FAM120A: variants seen among roughly 807,000 people sequenced by gnomAD.
FAM120A encodes family with sequence similarity 120 member A.
In FAM120A, 15 loss-of-function variants were observed where a neutral mutation model predicts 109.7. The ratio of observed to expected loss-of-function variants is 0.14; its 90% confidence interval spans 0.09 to 0.21. The LOEUF is 0.21. FAM120A is among the 10% of genes least tolerant of loss of function. The pLI is 1.00. For missense variants in FAM120A, 899 were observed against 1,439.3 expected, an observed-to-expected ratio of 0.62 and a Z score of 6.07; for synonymous variants, 493 against 572.8, an observed-to-expected ratio of 0.86 and a Z score of 1.99.
At chr9:93,523,995 G>A (rs1860958972) in intron 7 of FAM120A, among the ~76,000 whole-genome samples, 1 of 152,210 alleles carries the variant, frequency 6.6e-6, no homozygotes, top group Non-Finnish European at 1.5e-5. Flanking sequence ...AGAACTCTGA[G>A]CATCTGTCCA....
chr9:93,492,969 G>A (rs535567598), intron 3 of FAM120A, among the ~76,000 whole-genome samples: 1 of 152,266 alleles, frequency 6.6e-6, no homozygotes, highest in East Asian at 1.9e-4. Flanking sequence ...CCATCGTCAT[G>A]GGCTGCACAT....
intron 3 of FAM120A, among the ~76,000 whole-genome samples, chr9:93,479,555 A>G (rs1238190649): frequency 1.3e-5 from 2 of 152,000 alleles, no homozygotes; most frequent in Non-Finnish European, 2.9e-5. Context: ...TTTCCAGTAT[A>G]CTCTGTTAGA....
In FAM120A at chr9:93,532,211, G is replaced by A. The variant is rs760883243; in HGVS notation, c.1791G>A (p.Pro597=). The change falls in exon 10 of 18, where the codon CCG becomes CCA. Residue 597 remains proline (P), a synonymous_variant. Coordinates refer to ENST00000277165, the MANE Select transcript of FAM120A (RefSeq NM_014612.5). The surrounding 1 kb of genome is among the most constrained non-coding windows in gnomAD (Gnocchi z 4.3). ...ATGAAGCCAACAAGGACCTGCCTCC[G>A]GCCGCTCTGCTCTATAGGCCAGTTC... ...IEDEANKDLP[P]AALLYRPVRQ... The A allele has an allele frequency of 3.1e-5, 50 of 1,614,190 alleles. No individual in the cohort carries two copies. Among genetic ancestry groups the A allele is most frequent in the Non-Finnish European group, 4.1e-5 (48 of 1,180,024 alleles).
chr9:93,474,099 A>C (rs1644711612), intron 2 of FAM120A, among the ~76,000 whole-genome samples: 1 of 152,096 alleles, frequency 6.6e-6, no homozygotes, highest in African/African-American at 2.4e-5. Context: ...AATCAATTGC[A>C]ATATGTTGTC....
chr9:93,516,531 AT>A (rs1256218035), intron 7 of FAM120A, among the ~76,000 whole-genome samples: 10 of 152,160 alleles, frequency 6.6e-5, no homozygotes, highest in African/African-American at 2.4e-4. Flanking sequence ...CTGGGGAGGA[AT>A]TTGACAAGAA....
chr9:93,520,835 A>G (rs1207624724), intron 7 of FAM120A, among the ~76,000 whole-genome samples: 1 of 152,266 alleles, frequency 6.6e-6, no homozygotes, highest in Non-Finnish European at 1.5e-5. Context: ...GCAGATCAGG[A>G]AATGCTCTCA....
Position 93,529,600 on chromosome 9 carries a change from G to A in FAM120A, c.1734+20G>A. On this transcript the variant is annotated intron_variant, in intron 9 of 17. Coordinates refer to ENST00000277165, the MANE Select transcript of FAM120A (RefSeq NM_014612.5). ...ACGAAGGTATTATCAAAGGGGCCCT[G>A]GAGTGGCTTCTGTTATTTGATGAGT... 6.2e-7 allele frequency: 1 copy of A among 1,609,502 alleles called. No homozygotes were observed. The highest frequency in any genetic ancestry group is 8.5e-7 in the Non-Finnish European group (1 of 1,175,898).
chr9:93,499,042 G>T (rs1301747857), intron 5 of FAM120A, among the ~76,000 whole-genome samples, 156 bp downstream of exon 5: 2 of 152,160 alleles, frequency 1.3e-5, no homozygotes, highest in East Asian at 3.8e-4. Context: ...AGACTCAGTA[G>T]CAATCCCTGA....
intron 11 of FAM120A, among the ~76,000 whole-genome samples, chr9:93,550,304 G>T (rs1238881101): frequency 1.3e-5 from 2 of 152,286 alleles, no homozygotes; most frequent in Non-Finnish European, 2.9e-5. Flanking sequence ...CAAGAGTGAG[G>T]TTGTATCAAA....
intron 11 of FAM120A, among the ~76,000 whole-genome samples, chr9:93,549,494 G>A (rs1173090926): frequency 2.0e-5 from 3 of 152,182 alleles, no homozygotes; most frequent in African/African-American, 7.2e-5. Context: ...GAGCTGTCTA[G>A]AACCTCCCTT....
chr9:93,459,813 A>G (rs946281775), intron 1 of FAM120A, among the ~76,000 whole-genome samples: 4 of 152,220 alleles, frequency 2.6e-5, no homozygotes, highest in African/African-American at 7.2e-5. Flanking sequence ...CAAACATTCT[A>G]CAGTGCACAG....
At chr9:93,521,398 C>T (rs1303544646) in intron 7 of FAM120A, among the ~76,000 whole-genome samples, 8 of 152,056 alleles carry the variant, frequency 5.3e-5, no homozygotes, top group Middle Eastern at 3.2e-3. Flanking sequence ...AGGGGGATTG[C>T]GTGAAGCCAG....
chr9:93,467,792 T>A (rs1858115441), intron 1 of FAM120A, among the ~76,000 whole-genome samples: 1 of 152,214 alleles, frequency 6.6e-6, no homozygotes, highest in Non-Finnish European at 1.5e-5. Flanking sequence ...AGTCAAGTGT[T>A]CTCAGTGAAT....
intron 3 of FAM120A, among the ~76,000 whole-genome samples, chr9:93,494,607 C>T (rs1407275819): frequency 6.6e-6 from 1 of 152,216 alleles, no homozygotes; most frequent in East Asian, 1.9e-4. Context: ...GGCAGCTCTG[C>T]AGGTTGCCAG....
At chr9:93,543,101 A>T in intron 10 of FAM120A, 121 bp from the exon 11 acceptor site, 1 of 1,220,362 alleles carries the variant, frequency 8.2e-7, no homozygotes, top group Non-Finnish European at 1.1e-6. Context: ...CTAAGGAGAG[A>T]ATGCATTGTT....
rs1858306023 is a variant in FAM120A, at chr9:93,471,322, T to C, written c.656T>C (p.Met219Thr). 1 of 1,614,118 alleles carries C rather than the reference T, an allele frequency of 6.2e-7. No individual in the cohort carries two copies. The highest frequency in any genetic ancestry group is 1.3e-5 in the African/African-American group (1 of 74,936). ...AGTCTCACCACAAGCCAATATCTGA[T>C]GCATGAAGTTGCCAAGCAACTGGAC... ...GKSLTTSQYL[M>T]HEVAKQLDLN... is the part of the protein sequence containing the mutation. Residue 219 changes from methionine to threonine, a missense_variant, in exon 2 of 18, where the codon ATG becomes ACG. Around this residue, in one of 11 missense-constraint regions of FAM120A, gnomAD observed 258 missense variants for 451.4 expected, o/e 0.57. Transcript: ENST00000277165.
At chr9:93,563,918 GA>G (rs1715800387) in intron 17 of FAM120A, among the ~76,000 whole-genome samples, 1 of 152,210 alleles carries the variant, frequency 6.6e-6, no homozygotes, top group Admixed American at 6.5e-5. Context: ...AGGACTTATT[GA>G]GGGGCATTTG....
intron 7 of FAM120A, 68 bp from the exon 8 acceptor site, chr9:93,527,087 C>T: frequency 8.0e-7 from 1 of 1,255,946 alleles, no homozygotes; most frequent in Admixed American, 1.7e-5. Flanking sequence ...TTAGCTGAGG[C>T]CCTTCTTATC....
At chr9:93,465,818 C>T (rs572907500) in intron 1 of FAM120A, among the ~76,000 whole-genome samples, 6 of 152,300 alleles carry the variant, frequency 3.9e-5, no homozygotes, top group Admixed American at 2.0e-4. Context: ...GTCAGGACCT[C>T]TAGTGTCCTC....
Sources: gnomAD v4.1 joint callset for allele counts (sites outside exome capture counted in the v4.1 genomes callset) on GRCh38, gnomAD v4.1.1 for gene constraint, gnomAD v4.1.1 regional missense constraint, Gnocchi (gnomAD v3.1) non-coding constraint, MANE v1.5 for transcripts, NCBI Gene and HGNC (gene_info 2026-07-23, HGNC 2026-07-21) for gene names.